Variants in FRMD4B observed in about 807,000 individuals in gnomAD.
FRMD4B encodes FERM domain containing 4B.
A neutral mutation model predicts 141.5 loss-of-function variants in FRMD4B; 74 were observed. The observed-to-expected ratio is 0.52, with a 90% CI of 0.43 to 0.63. The LOEUF (loss-of-function observed/expected upper bound fraction) is 0.63, where lower values mean the gene tolerates loss of function less well. Among genes scored for constraint, FRMD4B ranks in the 30% least tolerant of loss-of-function variants. The probability of loss-of-function intolerance (pLI) is 0.00; values close to 1 mark genes in which losing one functional copy is unlikely to be tolerated. For missense variants in FRMD4B, 1,366 were observed against 1,253.4 expected (o/e 1.09, Z -1.36); for synonymous variants, 506 against 467.9 (o/e 1.08, Z -1.05).
intron 1 of FRMD4B, among the ~76,000 whole-genome samples, chr3:69,330,441 G>T (rs1216009360): frequency 1.4e-5 from 2 of 145,694 alleles, no homozygotes; most frequent in African/African-American, 5.2e-5. Context: ...CTGCCTCCTG[G>T]GTTCAAGTGA....
rs530150741 is a variant in FRMD4B, at chr3:69,500,946, T to A, written c.-129+41260A>T. ...CTCTAAACATGTCTAGGCACACGCATGTACACACGCCCCTCCTACCAAAAA... is the reference window on the plus strand; with the variant it reads ...CTCTAAACATGTCTAGGCACACGCAAGTACACACGCCCCTCCTACCAAAAA... On this transcript the variant is annotated intron_variant, in intron 1 of 5. Transcript: ENST00000459638. Among the ~76,000 whole-genome samples the A allele has an allele frequency of 2.6e-4, 39 of 152,288 alleles. No homozygotes were observed. In the South Asian group the frequency reaches 8.1e-3, roughly 32 times the overall value.
At chr3:69,218,582 C>G (rs1482966292) in intron 9 of FRMD4B, among the ~76,000 whole-genome samples, 2 of 152,066 alleles carry the variant, frequency 1.3e-5, no homozygotes, top group Admixed American at 6.6e-5. Flanking sequence ...GCTAATAGAA[C>G]CTCAATTTCA....
At chr3:69,219,182 C>A (rs1383160839) in intron 9 of FRMD4B, among the ~76,000 whole-genome samples, 1 of 150,996 alleles carries the variant, frequency 6.6e-6, no homozygotes, top group African/African-American at 2.4e-5. Flanking sequence ...AAAAAAGTCC[C>A]CCCAAAATAA....
At chr3:69,368,905 C>T (rs191286513) in intron 1 of FRMD4B, among the ~76,000 whole-genome samples, 18,571 of 152,260 alleles carry the variant, frequency 0.12, 1,217 homozygotes, top group South Asian at 0.19. Flanking sequence ...AAGCAATTCT[C>T]TCACCTCGGC....
At chr3:69,352,824 C>A (rs976863872) in intron 1 of FRMD4B, among the ~76,000 whole-genome samples, 4 of 152,150 alleles carry the variant, frequency 2.6e-5, no homozygotes, top group African/African-American at 4.8e-5. Flanking sequence ...GACTGGAGGA[C>A]AAAATTCAAT....
intron 2 of FRMD4B, among the ~76,000 whole-genome samples, chr3:69,429,401 T>C (rs1396993833): frequency 6.6e-6 from 1 of 152,202 alleles, no homozygotes; most frequent in Admixed American, 6.5e-5. Context: ...TTTTTGTCCA[T>C]ATCCTTCCAA....
intron 1 of FRMD4B, among the ~76,000 whole-genome samples, chr3:69,540,794 A>T (rs1296646342): frequency 6.6e-6 from 1 of 151,522 alleles, no homozygotes; most frequent in Non-Finnish European, 1.5e-5. Flanking sequence ...CTGGCATCTG[A>T]AATTAGATCT....
chr3:69,176,432 T>G, intron 22 of FRMD4B, 92 bp downstream of exon 22: 1 of 1,124,764 alleles, frequency 8.9e-7, no homozygotes, highest in Non-Finnish European at 1.3e-6. Context: ...TGCCAACCCC[T>G]GAACTAGATT....
chr3:69,296,851 T>C (rs1261965196), intron 4 of FRMD4B, among the ~76,000 whole-genome samples: 1 of 152,164 alleles, frequency 6.6e-6, no homozygotes, highest in African/African-American at 2.4e-5. Context: ...TCAAGTAATA[T>C]GTTCATTGTA....
At position 69,451,921 on chromosome 3, in the gene FRMD4B, G is replaced by C. The variant is rs1158883403; in HGVS notation, c.-128-19160C>G. ...TCTGAGATAACATACTGTGCAGAAAGAGAGACAAGCAGGGAAGGAGAGATT... is the reference window on the plus strand; with the variant it reads ...TCTGAGATAACATACTGTGCAGAAACAGAGACAAGCAGGGAAGGAGAGATT... On this transcript the variant is annotated intron_variant, in intron 1 of 5. Transcript: ENST00000459638. 2.0e-5 allele frequency among the ~76,000 whole-genome samples: 3 copies of C among 152,342 alleles called. No individual in the cohort carries two copies. The East Asian group carries it at 5.8e-4, about 29-fold the overall frequency.
chr3:69,342,579 A>G lies in FRMD4B; in HGVS notation c.163-29062T>C, dbSNP rs151070624. On this transcript the variant is annotated intron_variant, in intron 1 of 22. Transcript: ENST00000398540. ...TAGTTGTATAATAATATTATTAAAC[A>G]AAAGTAACTGCCACTTATTAGGTAC... 3.3e-3 allele frequency among the ~76,000 whole-genome samples: 500 copies of G among 152,320 alleles called. 3 individuals are homozygous for G. Among genetic ancestry groups the G allele is most frequent in the African/African-American group, 0.012 (485 of 41,566 alleles).
chr3:69,523,269 G>A (rs1700880875), intron 1 of FRMD4B, among the ~76,000 whole-genome samples: 1 of 152,186 alleles, frequency 6.6e-6, no homozygotes, highest in Non-Finnish European at 1.5e-5. Context: ...GAGGATGACA[G>A]AAGTGGTTAA....
At chr3:69,205,170 C>T (rs1473400562) in intron 11 of FRMD4B, among the ~76,000 whole-genome samples, 2 of 146,692 alleles carry the variant, frequency 1.4e-5, no homozygotes, top group African/African-American at 2.5e-5. Context: ...AGTCCCCCCC[C>T]TTTTTTTTTT....
rs767608068 is a variant in FRMD4B at position 69,410,726 on chromosome 3, AATATATATATAT to A, written c.-1+21896_-1+21907del. Among the ~76,000 whole-genome samples, 98 of 86,302 alleles carry A rather than the reference AATATATATATAT, an allele frequency of 1.1e-3. 1 individual carries two copies. The highest frequency in any genetic ancestry group is 5.0e-3 in the South Asian group (13 of 2,604). 56.6% of individuals were successfully genotyped at this position (86,302 alleles called of 152,430 possible). ...AAATATATAAATAAATAAATAAATA[AATATATATATAT>A]ATATATATATATATATATATATATA... On this transcript the variant is annotated intron_variant, in intron 2 of 5. Transcript: ENST00000459638.
chr3:69,375,745 C>A (rs191067239), intron 1 of FRMD4B, among the ~76,000 whole-genome samples: 24 of 152,284 alleles, frequency 1.6e-4, no homozygotes, highest in Admixed American at 1.6e-3. Flanking sequence ...AACACTGTGA[C>A]TTATTACCTA....
chr3:69,455,554 TACGAAC>T (rs1705586975), intron 1 of FRMD4B, among the ~76,000 whole-genome samples: 2 of 152,196 alleles, frequency 1.3e-5, no homozygotes, highest in Admixed American at 6.5e-5. Context: ...AGGAAGAAAC[TACGAAC>T]ACGTCCGACG....
intron 7 of FRMD4B, among the ~76,000 whole-genome samples, chr3:69,236,725 T>C (rs895199602): frequency 6.6e-6 from 1 of 152,108 alleles, no homozygotes; most frequent in African/African-American, 2.4e-5. Context: ...CAGAGTAAGA[T>C]CTCTACCCTG....
chr3:69,535,368 T>A (rs540093987), intron 1 of FRMD4B, among the ~76,000 whole-genome samples: 1 of 152,186 alleles, frequency 6.6e-6, no homozygotes, highest in African/African-American at 2.4e-5. Flanking sequence ...CCCCACCTCA[T>A]AGGGTGCGGT....
intron 1 of FRMD4B, among the ~76,000 whole-genome samples, chr3:69,470,182 A>G (rs1393670550): frequency 1.3e-5 from 2 of 152,226 alleles, no homozygotes; most frequent in Non-Finnish European, 2.9e-5. Context: ...TCTTGCAATT[A>G]CATTGAGAAG....
Sources: allele counts gnomAD v4.1 joint callset (sites outside exome capture counted in the v4.1 genomes callset), GRCh38; gene constraint gnomAD v4.1.1; transcripts MANE v1.5; gene names NCBI Gene and HGNC (gene_info 2026-07-23, HGNC 2026-07-21).